LPO: variants seen among roughly 807,000 people sequenced by gnomAD.
LPO encodes lactoperoxidase.
In LPO, 70 loss-of-function variants were observed where a neutral mutation model predicts 68.4. That is an observed-to-expected ratio of 1.02 (90% CI 0.84 to 1.25). The LOEUF is 1.25. LPO is among the 50% of genes most tolerant of loss of function. LPO has a pLI of 0.00. For missense variants in LPO, 873 were observed against 908.4 expected (o/e 0.96, Z 0.50); for synonymous variants, 360 against 357.6 (o/e 1.01, Z -0.08).
intron 3 of LPO, among the ~76,000 whole-genome samples, chr17:58,245,060 A>G (rs750815555): frequency 2.0e-4 from 30 of 152,218 alleles, no homozygotes; most frequent in Admixed American, 6.5e-5. Context: ...AAGCCGTCAG[A>G]TAACTTTTTT....
chr17:58,242,867 T>C, intron 1 of LPO, 111 bp from the exon 2 acceptor site: 5 of 825,744 alleles, frequency 6.1e-6, no homozygotes, highest in Non-Finnish European at 1.0e-5. Flanking sequence ...CCTTTCCTGT[T>C]CCAATATTAG....
Position 58,252,357 on chromosome 17 carries a change from G to A in LPO, c.956G>A (p.Arg319His), listed in dbSNP as rs147457460. 138 of 1,614,090 alleles carry A rather than the reference G, an allele frequency of 8.5e-5. No individual in the cohort carries two copies. The East Asian group carries it at 1.2e-3, about 14-fold the overall frequency. ...VYSSEPSLAS[R>H]LRNLSSPLGL... ...AGCTCCGAGCCAAGCCTGGCCAGCC[G>A]CCTCCGCAACCTCAGCAGCCCCCTG... Residue 319 changes from arginine (R) to histidine (H), a missense_variant, in exon 8 of 13, where the codon CGC becomes CAC. Arg to His is a conservative substitution (Grantham distance 29, BLOSUM62 0). Coordinates refer to ENST00000262290, the MANE Select transcript of LPO (RefSeq NM_006151.3).
In LPO at chr17:58,252,120, G is replaced by C. The variant is rs185385035; in HGVS notation, c.781-62G>C. On this transcript the variant is annotated intron_variant, in intron 7 of 12. Transcript: ENST00000262290. ...TTTGCATCCAGACTTGCCCTGGGGA[G>C]AGGTTGCCAGGACCCAGCTGTTCCA... 1.4e-5 allele frequency: 21 copies of C among 1,495,898 alleles called. No individual in the cohort carries two copies. The African/African-American group carries it at 1.8e-4, about 13-fold the overall frequency. The allele number at this position is 1,495,898 out of a possible 1,614,324, so 92.7% of individuals were successfully genotyped here.
intron 9 of LPO, among the ~76,000 whole-genome samples, chr17:58,255,283 A>C (rs1970049815): frequency 6.6e-6 from 1 of 152,184 alleles, no homozygotes; most frequent in Non-Finnish European, 1.5e-5. Flanking sequence ...GGACTGCTAC[A>C]TCGCAGTGAT....
rs929451574 is a variant in LPO at position 58,252,057 on chromosome 17, G to T, written c.781-125G>T. The T allele has an allele frequency of 1.4e-5, 12 of 838,676 alleles. 1 individual carries two copies. Among genetic ancestry groups the T allele is most frequent in the South Asian group, 1.3e-4 (9 of 68,684 alleles). The allele number at this position is 838,676 out of a possible 1,614,324, so 52.0% of individuals were successfully genotyped here. On this transcript the variant is annotated intron_variant, in intron 7 of 12. Transcript: ENST00000262290. ...TCAGCAAGAAGTGTCTGGGGTCAGT[G>T]TCTGGTACCAGGGTCCTAGGAGGGT...
rs200731187 is a variant in LPO at position 58,266,204 on chromosome 17, T to C, written c.1571T>C (p.Met524Thr). The C allele has an allele frequency of 5.3e-5, 85 of 1,614,012 alleles. No homozygotes were observed. Among genetic ancestry groups the C allele is most frequent in the Non-Finnish European group, 7.1e-5 (84 of 1,180,034 alleles). ...CTGCTGGCCAAGAAATCCAAGCTGA[T>C]GAAACAGAATAAAATGATGACTGGA... ...RGLLAKKSKLMKQNKMMTGEL... is the reference protein window; with the variant it reads ...RGLLAKKSKLTKQNKMMTGEL... The change falls in exon 11 of 13, where the codon ATG becomes ACG. Residue 524 changes from methionine (M) to threonine (T), a missense_variant. Met to Thr is a moderately conservative substitution (Grantham distance 81). Transcript: ENST00000262290.
rs1337125370 is a variant in LPO at position 58,266,145 on chromosome 17, C to G, written c.1520-8C>G. 1.2e-6 allele frequency: 2 copies of G among 1,613,474 alleles called. No homozygotes were observed. Among genetic ancestry groups the G allele is most frequent in the Admixed American group, 3.3e-5 (2 of 59,984 alleles). On this transcript the variant is annotated splice_polypyrimidine_tract_variant and splice_region_variant and intron_variant, in intron 10 of 12. Transcript: ENST00000262290. ...ACCTAAGCATGGCTTCTGGGTCTCC[C>G]TTGGCAGGTGGAATTGATCCTCTGG...
intron 4 of LPO, 94 bp downstream of exon 4, chr17:58,247,732 G>A: frequency 7.2e-7 from 1 of 1,379,756 alleles, no homozygotes; most frequent in Non-Finnish European, 1.0e-6. Context: ...CCTGTTGAGA[G>A]CTATCTACTC....
Position 58,254,653 on chromosome 17 carries a change from C to G in LPO, c.1106-158C>G. ...GAGAGTCAAACCTATGATTCAGTAC[C>G]CCCTCCCCATCCCTATTCACCTGAC... On this transcript the variant is annotated intron_variant, in intron 8 of 12. Coordinates refer to ENST00000262290, the MANE Select transcript of LPO (RefSeq NM_006151.3). The G allele has an allele frequency of 4.7e-6, 3 of 633,022 alleles. No individual in the cohort carries two copies. The South Asian group carries it at 6.1e-5, about 13-fold the overall frequency. The allele number at this position is 633,022 out of a possible 1,614,324, so 39.2% of individuals were successfully genotyped here. A position where few individuals can be genotyped will look rare whatever the true frequency, so the allele number is the denominator to read the frequency against.
intron 10 of LPO, among the ~76,000 whole-genome samples, chr17:58,265,573 CTTTTT>C (rs71365866): frequency 1.3e-3 from 114 of 85,218 alleles, no homozygotes; most frequent in African/African-American, 6.3e-3. Context: ...TTAAAAATAC[CTTTTT>C]TTTTTTTTTT....
intron 5 of LPO, 45 bp downstream of exon 5, chr17:58,249,222 GC>G: frequency 1.3e-6 from 2 of 1,527,228 alleles, no homozygotes; most frequent in Non-Finnish European, 9.0e-7. Context: ...CAGCCACTCC[GC>G]CCCGCCCTGC....
chr17:58,258,826 T>C (rs1970120743), intron 9 of LPO, among the ~76,000 whole-genome samples: 1 of 152,244 alleles, frequency 6.6e-6, no homozygotes, highest in South Asian at 2.1e-4. Context: ...TGGCTGGTAA[T>C]GTTGAACATC....
At chr17:58,252,123 G>T (rs1382000284) in intron 7 of LPO, 59 bp from the exon 8 acceptor site, 1 of 1,530,882 alleles carries the variant, frequency 6.5e-7, no homozygotes, top group Non-Finnish European at 9.0e-7. Context: ...CTGGGGAGAG[G>T]TTGCCAGGAC....
Position 58,242,970 on chromosome 17 carries a change from C to A in LPO, c.-2-8C>A. 1 of 1,613,566 alleles carries A rather than the reference C, an allele frequency of 6.2e-7. No homozygotes were observed. The highest frequency in any genetic ancestry group is 8.5e-7 in the Non-Finnish European group (1 of 1,179,618). ...AGGCTCACAGTGTGATCCTGCATCT[C>A]GTTTCAGTGATGAGGGTCCTTCTCC... On this transcript the variant is annotated splice_polypyrimidine_tract_variant and splice_region_variant and intron_variant, in intron 1 of 12. Coordinates refer to ENST00000262290, the MANE Select transcript of LPO (RefSeq NM_006151.3).
At chr17:58,250,332 G>A (rs1475778603) in intron 6 of LPO, 83 bp from the exon 7 acceptor site, 3 of 1,042,064 alleles carry the variant, frequency 2.9e-6, no homozygotes, top group Non-Finnish European at 4.5e-6. Flanking sequence ...AACATGGTAG[G>A]TAGTTAATAA....
chr17:58,254,371 C>T (rs1970028005), intron 8 of LPO, among the ~76,000 whole-genome samples: 1 of 152,248 alleles, frequency 6.6e-6, no homozygotes, highest in South Asian at 2.1e-4. Context: ...CCAAGCTCCT[C>T]ACCTCAAACC....
intron 8 of LPO, among the ~76,000 whole-genome samples, chr17:58,252,866 A>T (rs1365857016): frequency 1.3e-5 from 2 of 151,888 alleles, no homozygotes; most frequent in East Asian, 3.9e-4. Flanking sequence ...TTCTAAAAAC[A>T]CAAAAAATTA....
chr17:58,252,571 T>C (rs974969008), intron 8 of LPO, 65 bp downstream of exon 8: 4 of 1,465,320 alleles, frequency 2.7e-6, no homozygotes, highest in Non-Finnish European at 3.7e-6. Context: ...GCTTTACCAC[T>C]GCCCCCTTCT....
intron 7 of LPO, 65 bp from the exon 8 acceptor site, chr17:58,252,117 G>A: frequency 6.8e-7 from 1 of 1,480,950 alleles, no homozygotes; most frequent in Non-Finnish European, 9.4e-7. Context: ...CTTGCCCTGG[G>A]GAGAGGTTGC....
Sources: allele counts gnomAD v4.1 joint callset (sites outside exome capture counted in the v4.1 genomes callset), GRCh38; gene constraint gnomAD v4.1.1; transcripts MANE v1.5; gene names NCBI Gene and HGNC (gene_info 2026-07-23, HGNC 2026-07-21).